Variants in HELQ observed in about 807,000 individuals in gnomAD.
HELQ encodes helicase, POLQ like, also known as helicase POLQ-like.
Under a neutral mutation model 111.6 loss-of-function variants are expected in HELQ, and 77 were observed. The ratio of observed to expected loss-of-function variants is 0.69; its 90% CI spans 0.57 to 0.83. HELQ has a LOEUF of 0.83. Among genes scored for constraint, HELQ ranks in the 40% least tolerant of loss-of-function variants. The pLI is 0.00. For synonymous variants in HELQ, 438 were observed against 454.7 expected (o/e 0.96, Z 0.47); for missense variants, 1,200 against 1,288.5 (o/e 0.93, Z 1.05).
chr4:83,421,828 A>G, intron 14 of HELQ, 92 bp from the exon 15 acceptor site: 1 of 893,982 alleles, frequency 1.1e-6, no homozygotes, highest in Non-Finnish European at 1.8e-6. Flanking sequence ...AAGTTGTATT[A>G]CAGAATAGCA....
intron 4 of HELQ, 93 bp downstream of exon 4, chr4:83,446,742 G>A (rs139457153): frequency 1.5e-6 from 1 of 688,446 alleles, no homozygotes; most frequent in East Asian, 2.8e-5. Flanking sequence ...TTTTATAGAG[G>A]TACTAAGGTA....
intron 8 of HELQ, among the ~76,000 whole-genome samples, chr4:83,437,311 T>A (rs1720511789): frequency 6.6e-6 from 1 of 152,126 alleles, no homozygotes; most frequent in South Asian, 2.1e-4. Context: ...CCTGTGAAAA[T>A]CTTATCAAAA....
intron 16 of HELQ, among the ~76,000 whole-genome samples, chr4:83,417,648 A>G (rs1043453934): frequency 6.6e-6 from 1 of 152,222 alleles, no homozygotes; most frequent in Non-Finnish European, 1.5e-5. Flanking sequence ...TTGGCTGAAA[A>G]TAGAAAGCTG....
Position 83,454,449 on chromosome 4 carries a change from G to A in HELQ, c.298-504C>T, listed in dbSNP as rs1332832506. ...GTCTGGCTCTGTCACCCAGGCTGGA[G>A]CACAGTGGCTCCAGCCACTGCACGA... On this transcript the variant is annotated intron_variant, in intron 1 of 17. Transcript: ENST00000295488. Among the ~76,000 whole-genome samples the A allele has an allele frequency of 4.6e-5, 7 of 151,994 alleles. No individual in the cohort carries two copies. The South Asian group carries it at 1.5e-3, about 32-fold the overall frequency.
chr4:83,430,569 C>T (rs567480679), intron 11 of HELQ, among the ~76,000 whole-genome samples: 2 of 152,240 alleles, frequency 1.3e-5, no homozygotes, highest in South Asian at 4.1e-4. Flanking sequence ...ATGAAATCAG[C>T]ATGTTATACT....
chr4:83,455,198 G>A, intron 1 of HELQ, 199 bp downstream of exon 1: 2 of 1,141,952 alleles, frequency 1.8e-6, no homozygotes, highest in Non-Finnish European at 2.4e-6. Flanking sequence ...ACTGCTGCGT[G>A]CACAACTTTT....
chr4:83,418,289 G>A, intron 15 of HELQ, 83 bp from the exon 16 acceptor site: 1 of 672,906 alleles, frequency 1.5e-6, no homozygotes, highest in South Asian at 2.4e-5. Flanking sequence ...GGCTCAGAGA[G>A]AATGTTCCTT....
rs185984250 is a variant in HELQ, at chr4:83,455,498, G to A, written c.196C>T (p.Leu66Phe). 6.8e-5 allele frequency: 109 copies of A among 1,614,160 alleles called. No individual in the cohort carries two copies. The highest frequency in any genetic ancestry group is 1.3e-4 in the Admixed American group (8 of 60,014). ...CATTCCGGGGAATCTGAGAGTAGAAGGGGCTGTACCTCAACCGGCAGTACG... is the reference window on the plus strand; with the variant it reads ...CATTCCGGGGAATCTGAGAGTAGAAAGGGCTGTACCTCAACCGGCAGTACG... ...AGVLPVEVQP[L>F]LLSDSPECLV... The change falls in exon 1 of 18, where the codon CTT (leucine) becomes TTT (phenylalanine). Residue 66 changes from leucine (L) to phenylalanine (F), a missense_variant. Physicochemically the swap from Leu to Phe is conservative, Grantham distance 22 (BLOSUM62 0). This residue lies in a region of HELQ where 610 missense variants were observed against 607.1 expected (regional missense o/e 1.00). Transcript: ENST00000295488.
chr4:83,453,860 T>C lies in HELQ; in HGVS notation c.383A>G (p.Gln128Arg), dbSNP rs773993355. The C allele has an allele frequency of 6.2e-7, 1 of 1,614,112 alleles. No individual in the cohort carries two copies. ...SFIAQVDDLEQKYMQLPEHKK... is the reference protein window; with the variant it reads ...SFIAQVDDLERKYMQLPEHKK... ...ATGTTCAGGGAGTTGCATATATTTT[T>C]GTTCCAGGTCGTCAACTTGAGCTAT... The change falls in exon 2 of 18, where the codon CAA becomes CGA. Residue 128 changes from glutamine (Q) to arginine (R), a missense_variant. Coordinates refer to ENST00000295488, the MANE Select transcript of HELQ (RefSeq NM_133636.5).
rs772811261 is a variant in HELQ, at chr4:83,454,032, C to T, written c.298-87G>A. On this transcript the variant is annotated intron_variant, in intron 1 of 17. Coordinates refer to ENST00000295488, the MANE Select transcript of HELQ (RefSeq NM_133636.5). ...CAGCCTGGCCAACATGGTCAAACCCCGTGTCTACAGAAAATACAAAAATTA... is the reference window on the plus strand; with the variant it reads ...CAGCCTGGCCAACATGGTCAAACCCTGTGTCTACAGAAAATACAAAAATTA... 13 of 810,150 alleles carry T rather than the reference C, an allele frequency of 1.6e-5. No individual in the cohort carries two copies. In the East Asian group the frequency reaches 1.7e-4, roughly 11 times the overall value. The allele number at this position is 810,150 out of a possible 1,614,324, so 50.2% of individuals were successfully genotyped here.
chr4:83,423,435 A>C (rs1719650674), intron 14 of HELQ, among the ~76,000 whole-genome samples: 1 of 152,220 alleles, frequency 6.6e-6, no homozygotes, highest in Non-Finnish European at 1.5e-5. Flanking sequence ...CATTAAGCTG[A>C]AAAAGTATGA....
chr4:83,413,502 C>T (rs1383456665), intron 17 of HELQ, among the ~76,000 whole-genome samples: 1 of 152,094 alleles, frequency 6.6e-6, no homozygotes, highest in Non-Finnish European at 1.5e-5. Context: ...ATATATTTTG[C>T]ATGTGGGAGG....
At chr4:83,420,608 A>C (rs1297204698) in intron 15 of HELQ, among the ~76,000 whole-genome samples, 1 of 152,158 alleles carries the variant, frequency 6.6e-6, no homozygotes, top group Non-Finnish European at 1.5e-5. Flanking sequence ...AATATGGTGA[A>C]ACCCTATCTC....
intron 2 of HELQ, among the ~76,000 whole-genome samples, chr4:83,450,861 G>A (rs757042997): frequency 1.1e-4 from 17 of 152,232 alleles, no homozygotes; most frequent in Middle Eastern, 3.4e-3. Flanking sequence ...CACGACTTGG[G>A]AGGCTGAAGT....
chr4:83,455,548 T>C lies in HELQ; in HGVS notation c.146A>G (p.Glu49Gly). 6.2e-7 allele frequency: 1 copy of C among 1,613,718 alleles called. No individual in the cohort carries two copies. Among genetic ancestry groups the C allele is most frequent in the Non-Finnish European group, 8.5e-7 (1 of 1,179,622 alleles). The change falls in exon 1 of 18, where the codon GAG becomes GGG. Residue 49 changes from glutamate to glycine, a missense_variant. Around this residue, in one of 3 missense-constraint regions of HELQ, gnomAD observed 610 missense variants for 607.1 expected, o/e 1.00. Transcript: ENST00000295488. ...GCCCGCGGTTTTCCGCCTCCTGTTC[T>C]CAGCCACCATTTCCTCCTCCTCTTT... is the stretch of plus-strand genomic sequence containing the variant. Reference protein sequence around the residue: ...EGKEEEEMVAENRRRKTAGVL... With the variant: ...EGKEEEEMVAGNRRRKTAGVL...
chr4:83,417,809 A>G (rs568035819), intron 16 of HELQ, among the ~76,000 whole-genome samples: 3 of 152,258 alleles, frequency 2.0e-5, no homozygotes, highest in South Asian at 2.1e-4. Flanking sequence ...AAGAAGTGTT[A>G]AGGACAACCG....
chr4:83,419,025 C>T (rs1739509238), intron 15 of HELQ, among the ~76,000 whole-genome samples: 1 of 152,088 alleles, frequency 6.6e-6, no homozygotes, highest in South Asian at 2.1e-4. Flanking sequence ...CCATTTCATA[C>T]CATTTATAAC....
chr4:83,443,629 A>G lies in HELQ; in HGVS notation c.1466-15T>C, dbSNP rs199924129. 1.1e-4 allele frequency: 128 copies of G among 1,172,838 alleles called. No individual in the cohort carries two copies. The highest frequency in any genetic ancestry group is 1.4e-4 in the Non-Finnish European group (114 of 798,468). The allele number at this position is 1,172,838 out of a possible 1,614,324, so 72.7% of individuals were successfully genotyped here. On this transcript the variant is annotated splice_polypyrimidine_tract_variant and intron_variant, in intron 5 of 17. Transcript: ENST00000295488. ...TTGAGTCGTTTCTAAAACACAAACA[A>G]ACAAAAGCCAAAGTGTTAAGGAAAA...
intron 2 of HELQ, among the ~76,000 whole-genome samples, chr4:83,450,405 G>A (rs1326051506): frequency 1.3e-5 from 2 of 150,544 alleles, no homozygotes; most frequent in African/African-American, 4.9e-5. Flanking sequence ...ACAGTTACAA[G>A]TAACTTTAAC....
Sources: allele counts gnomAD v4.1 joint callset (sites outside exome capture counted in the v4.1 genomes callset), GRCh38; gene constraint gnomAD v4.1.1; regional missense constraint gnomAD v4.1.1; transcripts MANE v1.5; gene names NCBI Gene and HGNC (gene_info 2026-07-23, HGNC 2026-07-21).